The following DOCK3 variants were observed in gnomAD, a reference collection of about 807,000 sequenced individuals.
DOCK3 encodes the protein dedicator of cytokinesis protein 3.
In DOCK3, 60 loss-of-function variants were observed where a neutral mutation model predicts 265.6. That is an observed-to-expected ratio of 0.23 (90% CI 0.18 to 0.28). The LOEUF is 0.28. Among genes scored for constraint, DOCK3 ranks in the 10% least tolerant of loss-of-function variants. The pLI, the probability that DOCK3 is intolerant of heterozygous loss-of-function variation, is 1.00. For synonymous variants in DOCK3, 881 were observed against 938.0 expected (o/e 0.94, Z 1.11); for missense variants, 1,981 against 2,594.3 (o/e 0.76, Z 5.14).
chr3:51,111,819 A>G (rs1195162329), intron 9 of DOCK3, among the ~76,000 whole-genome samples: 2 of 152,218 alleles, frequency 1.3e-5, no homozygotes, highest in African/African-American at 2.4e-5. Context: ...GCACCCGACA[A>G]AGGTCTAATA....
At chr3:50,759,227 C>A (rs1394229073) in intron 1 of DOCK3, among the ~76,000 whole-genome samples, 1 of 151,764 alleles carries the variant, frequency 6.6e-6, no homozygotes, top group Non-Finnish European at 1.5e-5. Flanking sequence ...AATTTAAATT[C>A]TTTTTAAATT....
At chr3:51,236,610 G>T (rs971838092) in intron 20 of DOCK3, among the ~76,000 whole-genome samples, 182 bp downstream of exon 20, 1 of 152,178 alleles carries the variant, frequency 6.6e-6, no homozygotes, top group Non-Finnish European at 1.5e-5. Flanking sequence ...CAAACTTGAA[G>T]AATCCAACAC....
At chr3:50,795,028 T>TC (rs2042692627) in intron 2 of DOCK3, among the ~76,000 whole-genome samples, 1 of 152,066 alleles carries the variant, frequency 6.6e-6, no homozygotes, top group Non-Finnish European at 1.5e-5. Flanking sequence ...TTTGAATCTC[T>TC]CTTTTTTTTT....
rs116363435 is a variant in DOCK3 at position 51,197,698 on chromosome 3, G to C, written c.1038-11076G>C. On this transcript the variant is annotated intron_variant, in intron 12 of 52. Coordinates refer to ENST00000266037, the MANE Select transcript of DOCK3 (RefSeq NM_004947.5). ...GAACAGCACCAGCCATCATGGACAG[G>C]GCACTCCGCAGGCCCCAGGTGGAGT... Among the ~76,000 whole-genome samples, 1,043 of 152,234 alleles carry C rather than the reference G, an allele frequency of 6.9e-3. 16 individuals carry two copies. Among genetic ancestry groups the C allele is most frequent in the African/African-American group, 0.024 (981 of 41,532 alleles).
chr3:50,793,869 G>A (rs2042625211), intron 2 of DOCK3, among the ~76,000 whole-genome samples: 2 of 152,116 alleles, frequency 1.3e-5, no homozygotes, highest in Admixed American at 1.3e-4. Context: ...TAGGCATTTA[G>A]TGCTATATAT....
At chr3:50,952,826 TC>T (rs972822037) in intron 5 of DOCK3, among the ~76,000 whole-genome samples, 28 of 152,300 alleles carry the variant, frequency 1.8e-4, no homozygotes, top group African/African-American at 6.7e-4. Flanking sequence ...AGTCTTAGTT[TC>T]CTCATCTGTG....
intron 1 of DOCK3, among the ~76,000 whole-genome samples, chr3:50,745,132 A>T (rs967210445): frequency 6.6e-6 from 1 of 152,026 alleles, no homozygotes; most frequent in East Asian, 1.9e-4. Context: ...GTTTTTTGAG[A>T]CAGAGTCTCA....
intron 23 of DOCK3, among the ~76,000 whole-genome samples, chr3:51,268,831 G>A (rs112060857): frequency 0.013 from 1,908 of 152,202 alleles, 50 homozygotes; most frequent in African/African-American, 0.042. Flanking sequence ...AAAGACACCT[G>A]TGATCTCCCC....
chr3:50,995,005 G>A (rs946236243), intron 5 of DOCK3, among the ~76,000 whole-genome samples: 2 of 152,162 alleles, frequency 1.3e-5, no homozygotes, highest in African/African-American at 4.8e-5. Context: ...AGTATGTCAT[G>A]AAAGGGCAGG....
intron 3 of DOCK3, among the ~76,000 whole-genome samples, chr3:50,884,368 G>C (rs1027568916): frequency 6.6e-6 from 1 of 152,188 alleles, no homozygotes; most frequent in Non-Finnish European, 1.5e-5. Context: ...TGAGATTACA[G>C]GCATGAGCCA....
intron 9 of DOCK3, among the ~76,000 whole-genome samples, chr3:51,105,050 G>A (rs1239008269): frequency 2.0e-5 from 3 of 152,168 alleles, no homozygotes; most frequent in Non-Finnish European, 4.4e-5. Flanking sequence ...GCAGTGAGGG[G>A]CAGAAGGTAT....
At chr3:50,688,530 T>A (rs1172113439) in intron 1 of DOCK3, among the ~76,000 whole-genome samples, 2 of 152,196 alleles carry the variant, frequency 1.3e-5, no homozygotes, top group African/African-American at 4.8e-5. Context: ...TGGTGCAATC[T>A]CGGCTCGCTG....
At position 50,748,913 on chromosome 3, in the gene DOCK3, A is replaced by G. The variant is rs566926172; in HGVS notation, c.38-29762A>G. Among the ~76,000 whole-genome samples, 55 of 152,334 alleles carry G rather than the reference A, an allele frequency of 3.6e-4. No individual in the cohort carries two copies. In the Middle Eastern group the frequency reaches 0.01, roughly 28 times the overall value. On this transcript the variant is annotated intron_variant, in intron 1 of 52. Coordinates refer to ENST00000266037, the MANE Select transcript of DOCK3 (RefSeq NM_004947.5). The stretch of plus-strand genomic sequence containing the variant: ...TGTTATGGTGACCTTTATGGGTCAG[A>G]TGAACTCTGTTTAAAATGCCTTCTT...
At chr3:50,822,918 C>T (rs541229736) in intron 2 of DOCK3, among the ~76,000 whole-genome samples, 5 of 152,104 alleles carry the variant, frequency 3.3e-5, no homozygotes, top group South Asian at 4.2e-4. Flanking sequence ...TTCATCTTTT[C>T]GGTAAGAAAA....
chr3:50,847,643 G>C (rs2046146449), intron 3 of DOCK3, among the ~76,000 whole-genome samples: 1 of 152,004 alleles, frequency 6.6e-6, no homozygotes, highest in African/African-American at 2.4e-5. Flanking sequence ...TAGCACTTTG[G>C]GAGGCTGAGG....
At chr3:50,740,864 T>C (rs2038971904) in intron 1 of DOCK3, among the ~76,000 whole-genome samples, 1 of 152,094 alleles carries the variant, frequency 6.6e-6, no homozygotes, top group African/African-American at 2.4e-5. Context: ...ATTTTAACAA[T>C]TTTTAAATGT....
intron 40 of DOCK3, among the ~76,000 whole-genome samples, chr3:51,353,736 C>T (rs976345710): frequency 2.0e-5 from 3 of 152,266 alleles, no homozygotes; most frequent in African/African-American, 7.2e-5. Flanking sequence ...ACAAGGCCTG[C>T]CCTGTGATTA....
At chr3:50,719,297 T>C (rs1044762332) in intron 1 of DOCK3, among the ~76,000 whole-genome samples, 1 of 149,966 alleles carries the variant, frequency 6.7e-6, no homozygotes, top group Non-Finnish European at 1.5e-5. Flanking sequence ...TTTTATTTCA[T>C]ACTCATAAAC....
chr3:51,355,906 A>G (rs1008293536), intron 41 of DOCK3, among the ~76,000 whole-genome samples, 183 bp from the exon 42 acceptor site: 2 of 152,128 alleles, frequency 1.3e-5, no homozygotes, highest in African/African-American at 4.8e-5. Context: ...GAGAGAGCAG[A>G]TAGAGATTTA....
Sources: allele counts gnomAD v4.1 joint callset (sites outside exome capture counted in the v4.1 genomes callset), GRCh38; gene constraint gnomAD v4.1.1; transcripts MANE v1.5; gene names NCBI Gene and HGNC (gene_info 2026-07-23, HGNC 2026-07-21).